Variants in TMEM71 observed in about 807,000 individuals in gnomAD.
TMEM71 encodes the protein transmembrane protein 71.
TMEM71 carries 44 observed loss-of-function variants against 38.0 expected under a neutral mutation model. That is an observed-to-expected ratio of 1.16 (90% CI 0.91 to 1.49). The LOEUF is 1.49. TMEM71 is among the 40% of genes most tolerant of loss of function. The pLI is 0.00. For synonymous variants in TMEM71, 133 were observed against 122.5 expected (o/e 1.09, Z -0.56); for missense variants, 367 against 348.6 (o/e 1.05, Z -0.42).
At chr8:132,749,653 T>C (rs748428868) in intron 4 of TMEM71, among the ~76,000 whole-genome samples, 7 of 152,230 alleles carry the variant, frequency 4.6e-5, no homozygotes, top group Non-Finnish European at 8.8e-5. Context: ...GCTGGGTCTC[T>C]GAGTCTCTGC....
intron 4 of TMEM71, among the ~76,000 whole-genome samples, chr8:132,749,440 G>A (rs1828569808): frequency 6.6e-6 from 1 of 152,218 alleles, no homozygotes; most frequent in Non-Finnish European, 1.5e-5. Context: ...CTGCTCCCTT[G>A]CCATTAGGTG....
intron 3 of TMEM71, among the ~76,000 whole-genome samples, chr8:132,756,411 T>TATATATATATATATATATA (rs1554619985): frequency 3.5e-5 from 4 of 115,836 alleles, no homozygotes; most frequent in Non-Finnish European, 6.6e-5. Flanking sequence ...AACATATATA[T>TATATATATATATATATATA]TATATATATA....
chr8:132,725,186 C>A (rs558045915), intron 6 of TMEM71, among the ~76,000 whole-genome samples: 1 of 152,200 alleles, frequency 6.6e-6, no homozygotes, highest in South Asian at 2.1e-4. Flanking sequence ...TTCAGGCATG[C>A]ACCACTATGC....
intron 5 of TMEM71, among the ~76,000 whole-genome samples, chr8:132,733,391 G>C (rs1827568891): frequency 6.6e-6 from 1 of 152,182 alleles, no homozygotes; most frequent in Non-Finnish European, 1.5e-5. Flanking sequence ...TAACTATAGA[G>C]AAAGTGGGTC....
downstream of TMEM71, among the ~76,000 whole-genome samples, chr8:132,708,565 T>A (rs563173873): frequency 1.3e-5 from 2 of 152,174 alleles, no homozygotes; most frequent in Non-Finnish European, 2.9e-5. Flanking sequence ...GTAAAGAAGG[T>A]GTTGTCCTGC....
intron 6 of TMEM71, among the ~76,000 whole-genome samples, chr8:132,727,088 C>T (rs567413426): frequency 6.6e-6 from 1 of 151,862 alleles, no homozygotes. Context: ...AACTCCTGAC[C>T]TCAGGTGTTC....
chr8:132,757,704 C>T (rs1322437947), intron 2 of TMEM71, among the ~76,000 whole-genome samples: 1 of 151,692 alleles, frequency 6.6e-6, no homozygotes, highest in Non-Finnish European at 1.5e-5. Flanking sequence ...TGGGCGCCTG[C>T]AGTCCCAGCT....
chr8:132,713,961 T>C (rs1826368975), intron 9 of TMEM71, 34 bp downstream of exon 9: 1 of 1,605,578 alleles, frequency 6.2e-7, no homozygotes, highest in African/African-American at 1.3e-5. Context: ...ATCACCTTGG[T>C]CCAGACAATA....
chr8:132,728,777 T>G (rs1827293557), intron 5 of TMEM71, among the ~76,000 whole-genome samples: 2 of 152,346 alleles, frequency 1.3e-5, no homozygotes, highest in Non-Finnish European at 2.9e-5. Flanking sequence ...GACTATATAT[T>G]AGAAACTGAC....
upstream of TMEM71, among the ~76,000 whole-genome samples, chr8:132,765,163 A>G (rs1829346980): frequency 6.6e-6 from 1 of 152,298 alleles, no homozygotes; most frequent in African/African-American, 2.4e-5. Context: ...GTGAACCTAC[A>G]TTTCTCAGAA....
At chr8:132,760,840 T>C (rs1829278245), upstream of TMEM71, 1 of 152,236 alleles carries the variant, frequency 6.6e-6, no homozygotes. Flanking sequence ...CTTGTCACCT[T>C]TGGCTGCGAG....
At chr8:132,756,411 T>TTATATTTATA (rs1554619988) in intron 3 of TMEM71, among the ~76,000 whole-genome samples, 2 of 115,814 alleles carry the variant, frequency 1.7e-5, no homozygotes, top group East Asian at 4.9e-4. Context: ...AACATATATA[T>TTATATTTATA]TATATATATA....
intron 4 of TMEM71, among the ~76,000 whole-genome samples, chr8:132,750,893 T>A (rs1314146177): frequency 2.0e-5 from 3 of 152,220 alleles, no homozygotes; most frequent in African/African-American, 2.4e-5. Context: ...CTTTGGATGA[T>A]GAAGATTCCA....
chr8:132,724,505 C>A (rs1486772863), intron 6 of TMEM71, among the ~76,000 whole-genome samples: 1 of 152,100 alleles, frequency 6.6e-6, no homozygotes, highest in Non-Finnish European at 1.5e-5. Flanking sequence ...TTTGCCCGAC[C>A]CCGCAGGCAG....
intron 3 of TMEM71, among the ~76,000 whole-genome samples, chr8:132,753,460 T>A (rs540219082): frequency 6.6e-6 from 1 of 152,304 alleles, no homozygotes; most frequent in East Asian, 1.9e-4. Flanking sequence ...TCACAGATTC[T>A]AAGAATCAGG....
chr8:132,732,414 C>A, intron 5 of TMEM71, among the ~76,000 whole-genome samples: 1 of 152,068 alleles, frequency 6.6e-6, no homozygotes, highest in East Asian at 1.9e-4. Flanking sequence ...AGGGTGGGTT[C>A]CCAGAAGAGT....
intron 7 of TMEM71, 50 bp downstream of exon 7, chr8:132,721,990 A>G (rs1342416040): frequency 2.1e-6 from 3 of 1,451,638 alleles, no homozygotes; most frequent in African/African-American, 2.8e-5. Flanking sequence ...AATCAGCTAT[A>G]GTTTCACTAA....
chr8:132,724,264 T>A (rs998560616), intron 6 of TMEM71, among the ~76,000 whole-genome samples: 1 of 152,108 alleles, frequency 6.6e-6, no homozygotes, highest in African/African-American at 2.4e-5. Context: ...GGTTTCCCAA[T>A]CCTAGTAAGC....
downstream of TMEM71, among the ~76,000 whole-genome samples, chr8:132,706,725 A>G (rs143380457): frequency 2.1e-3 from 319 of 152,278 alleles, 6 homozygotes; most frequent in Non-Finnish European, 1.2e-3. Flanking sequence ...CTCCTTTCCT[A>G]TAAAATCTGA....
Sources: allele counts gnomAD v4.1 joint callset (sites outside exome capture counted in the v4.1 genomes callset), GRCh38; gene constraint gnomAD v4.1.1; transcripts MANE v1.5; gene names NCBI Gene and HGNC (gene_info 2026-07-23, HGNC 2026-07-21).